Variants in TTN observed in about 807,000 individuals in gnomAD.
TTN encodes the protein connectin.
Under a neutral mutation model 3,223.0 loss-of-function variants are expected in TTN, and 1,525 were observed. That is an observed-to-expected ratio of 0.47 (90% confidence interval 0.45 to 0.49). The LOEUF (loss-of-function observed/expected upper bound fraction) is 0.49. Among genes scored for constraint, TTN ranks in the 20% least tolerant of loss-of-function variants. TTN has a pLI of 0.00. For synonymous variants in TTN, 14,094 were observed against 15,161.0 expected (o/e 0.93, Z 5.17); for missense variants, 40,786 against 43,424.0 (o/e 0.94, Z 5.40).
At position 178,678,783 on chromosome 2, in the gene TTN, G is replaced by C; in HGVS notation, c.33790C>G (p.Pro11264Ala). 6.2e-7 allele frequency: 1 copy of C among 1,605,762 alleles called. No homozygotes were observed. The highest frequency in any genetic ancestry group is 8.5e-7 in the Non-Finnish European group (1 of 1,177,114). ...GGAGCTTCCACCTTTTTAGGAACTG[G>C]TACTGGTACTTTCTCCTCTGGCACA... ...KPVPEEKVPV[P>A]VPKKVEAPPA... Residue 11264 changes from proline (P) to alanine (A), a missense_variant, in exon 143 of 363, where the codon CCA (proline) becomes GCA (alanine). Pro to Ala is a conservative substitution (Grantham distance 27). Coordinates refer to ENST00000589042, the MANE Select transcript of TTN (RefSeq NM_001267550.2).
chr2:178,749,595 A>G (rs2084796660), intron 47 of TTN: 2 of 1,612,046 alleles, frequency 1.2e-6, no homozygotes, highest in Non-Finnish European at 1.7e-6. Context: ...TCTCTGGAAT[A>G]TTTTCCATAA....
rs373396567 is a variant in TTN, at chr2:178,539,680, A to C, written c.98385T>G (p.Ser32795Arg). Reference protein sequence around the residue: ...AVYIKVRVIGSPNSPEGPLEY... With the variant: ...AVYIKVRVIGRPNSPEGPLEY... ...CCAGTGGCCCTTCTGGACTGTTGGG[A>C]CTTCCTATCACCCTGACCTTGATGT... The change falls in exon 352 of 363, where the codon AGT becomes AGG. Residue 32795 changes from serine (S) to arginine (R), a missense_variant. Transcript: ENST00000589042. 50 of 1,613,372 alleles carry C rather than the reference A, an allele frequency of 3.1e-5. No individual in the cohort carries two copies. In the African/African-American group the frequency reaches 5.9e-4, roughly 19 times the overall value.
intron 37 of TTN, 87 bp from the exon 38 acceptor site, chr2:178,769,020 T>C (rs1166249565): frequency 2.8e-6 from 4 of 1,446,054 alleles, no homozygotes; most frequent in African/African-American, 2.8e-5. Context: ...AAATTTGGAA[T>C]GTTTTTAGTG....
Position 178,574,432 on chromosome 2 carries a change from C to G in TTN, c.71700G>C (p.Arg23900=), listed in dbSNP as rs1470911398. 6.2e-7 allele frequency: 1 copy of G among 1,613,434 alleles called. No homozygotes were observed. Among genetic ancestry groups the G allele is most frequent in the East Asian group, 2.2e-5 (1 of 44,856 alleles). ...TGCCTGCCATGTTTTCTGCAATCAC[C>G]CGGAACTCATAAGCAATACCATCTG... ...GLTDGIAYEF[R]VIAENMAGKS... Residue 23900 remains arginine (R), a synonymous_variant, in exon 326 of 363, where the codon CGG becomes CGC. Coordinates refer to ENST00000589042, the MANE Select transcript of TTN (RefSeq NM_001267550.2).
chr2:178,717,666 T>C lies in TTN; in HGVS notation c.25208A>G (p.Asp8403Gly), dbSNP rs758110981. Residue 8403 changes from aspartate to glycine, a missense_variant, in exon 87 of 363, where the codon GAT (aspartate) becomes GGT (glycine). Coordinates refer to ENST00000589042, the MANE Select transcript of TTN (RefSeq NM_001267550.2). ...AACAAAAGATGTCTGCAAATTAGCA[T>C]CATCTTTCAAAAGAACCCCATCCTT... Reference protein sequence around the residue: ...WYKDGVLLKDDANLQTSFVHN... With the variant: ...WYKDGVLLKDGANLQTSFVHN... The C allele has an allele frequency of 2.5e-6, 4 of 1,613,462 alleles. No individual in the cohort carries two copies. The highest frequency in any genetic ancestry group is 3.4e-6 in the Non-Finnish European group (4 of 1,179,598).
rs1313694677 is a variant in TTN at position 178,527,519 on chromosome 2, G to A, written c.107607C>T (p.Ser35869=). 8.7e-6 allele frequency: 14 copies of A among 1,613,856 alleles called. No homozygotes were observed. Among genetic ancestry groups the A allele is most frequent in the African/African-American group, 1.3e-5 (1 of 74,918 alleles). Residue 35869 remains serine (S), a synonymous_variant, in exon 362 of 363, where the codon AGC becomes AGT. Transcript: ENST00000589042. The stretch of plus-strand genomic sequence containing the variant: ...TCATATTAGATATTCCCATAAAGCT[G>A]CTGGAACTCATTTCTACAAAGGACT... ...MQESFVEMSS[S]SFMGISNMTQ...
chr2:178,529,349 T>C lies in TTN; in HGVS notation c.106532-130A>G. The C allele has an allele frequency of 4.9e-6, 3 of 611,528 alleles. No individual in the cohort carries two copies. In the South Asian group the frequency reaches 1.1e-4, roughly 23 times the overall value. The allele number at this position is 611,528 out of a possible 1,614,324, so 37.9% of individuals were successfully genotyped here. ...TTCTTCATGCAATGTAGGTAATACC[T>C]AATACTTTCTCAGTTCCACTTTTGG... is the stretch of plus-strand genomic sequence containing the variant. On this transcript the variant is annotated intron_variant, in intron 359 of 362. Transcript: ENST00000589042.
chr2:178,776,600 T>C lies in TTN; in HGVS notation c.5264A>G (p.Asn1755Ser), dbSNP rs201904897. 86 of 1,614,062 alleles carry C rather than the reference T, an allele frequency of 5.3e-5. No homozygotes were observed. The highest frequency in any genetic ancestry group is 6.9e-5 in the Non-Finnish European group (82 of 1,180,004). Residue 1755 changes from asparagine (N) to serine (S), a missense_variant, in exon 28 of 363, where the codon AAT (asparagine) becomes AGT (serine). Transcript: ENST00000589042. ...LEAANRLRMINEFGYCSLDYG... is the reference protein window; with the variant it reads ...LEAANRLRMISEFGYCSLDYG... ...ATCAAGGCTGCAGTACCCAAATTCA[T>C]TGATCATACGGAGCCTGTTGGCTGC...
In TTN at chr2:178,573,761, C is replaced by T. The variant is rs972618040; in HGVS notation, c.72371G>A (p.Gly24124Asp). 6.3e-7 allele frequency: 1 copy of T among 1,595,478 alleles called. No individual in the cohort carries two copies. The highest frequency in any genetic ancestry group is 8.5e-7 in the Non-Finnish European group (1 of 1,170,956). ...IFNVKVLDRP[G>D]PPEGPLAVTE... ...TACAGCCAAAGGTCCTTCAGGTGGGCCTGGTCTGTCAAGAACTTTGACATT... is the reference window on the plus strand; with the variant it reads ...TACAGCCAAAGGTCCTTCAGGTGGGTCTGGTCTGTCAAGAACTTTGACATT... The change falls in exon 326 of 363, where the codon GGC becomes GAC. Residue 24124 changes from glycine (G) to aspartate (D), a missense_variant. By Grantham distance (94) the Gly-to-Asp change is moderately conservative. Coordinates refer to ENST00000589042, the MANE Select transcript of TTN (RefSeq NM_001267550.2).
Position 178,573,405 on chromosome 2 carries a change from A to G in TTN, c.72727T>C (p.Trp24243Arg). Reference sequence around the variant, plus strand: ...CCACCATCAGAATCAGGATGTCCCCAGCAGACAACCATCGAATCTTTAGTA... The same window carrying G: ...CCACCATCAGAATCAGGATGTCCCCGGCAGACAACCATCGAATCTTTAGTA... ...TITKDSMVVC[W>R]GHPDSDGGSE... Residue 24243 changes from tryptophan to arginine, a missense_variant, in exon 326 of 363, where the codon TGG becomes CGG. By Grantham distance (101) the Trp-to-Arg change is moderately radical. Transcript: ENST00000589042. 1.3e-6 allele frequency: 2 copies of G among 1,522,008 alleles called. No homozygotes were observed. The highest frequency in any genetic ancestry group is 2.3e-5 in the East Asian group (1 of 43,852). The allele number at this position is 1,522,008 out of a possible 1,614,324, so 94.3% of individuals were successfully genotyped here. A position where few individuals can be genotyped will look rare whatever the true frequency, so the allele number is the denominator to read the frequency against.
chr2:178,609,818 A>C lies in TTN; in HGVS notation c.51605T>G (p.Val17202Gly). 1.2e-6 allele frequency: 2 copies of C among 1,612,920 alleles called. No individual in the cohort carries two copies. Among genetic ancestry groups the C allele is most frequent in the Non-Finnish European group, 1.7e-6 (2 of 1,179,240 alleles). Residue 17202 changes from valine (V) to glycine (G), a missense_variant, in exon 272 of 363, where the codon GTA becomes GGA. Transcript: ENST00000589042. ...TTTTGCTGTATAGGTCAGGATTGGT[A>C]CCAGGTGTTCATTGCATCTCTTCCA... ...ERWKRCNEHL[V>G]PILTYTAKGL...
intron 47 of TTN, chr2:178,745,884 C>CA (rs1560961746): frequency 6.2e-6 from 10 of 1,609,904 alleles, no homozygotes; most frequent in Non-Finnish European, 7.6e-6. Flanking sequence ...ACCTGAAATT[C>CA]AAAAAAACTG....
chr2:178,621,653 A>C lies in TTN; in HGVS notation c.45171T>G (p.Pro15057=). The C allele has an allele frequency of 6.2e-7, 1 of 1,612,384 alleles. No individual in the cohort carries two copies. The highest frequency in any genetic ancestry group is 1.1e-5 in the South Asian group (1 of 91,036). Residue 15057 remains proline, a synonymous_variant, in exon 245 of 363, where the codon CCT becomes CCG. Coordinates refer to ENST00000589042, the MANE Select transcript of TTN (RefSeq NM_001267550.2). ...CTTTATACCAAATCACTTCTGCGCCAGGTTTGGAGACTTCACAAACCAGTT... is the reference window on the plus strand; with the variant it reads ...CTTTATACCAAATCACTTCTGCGCCCGGTTTGGAGACTTCACAAACCAGTT... ...TIKLVCEVSK[P]GAEVIWYKGD... is the part of the protein sequence containing the mutation.
intron 98 of TTN, 49 bp downstream of exon 98, chr2:178,710,586 C>T (rs764515126): frequency 2.6e-6 from 4 of 1,567,888 alleles, no homozygotes; most frequent in Non-Finnish European, 2.6e-6. Flanking sequence ...TCAGGCTATA[C>T]TACAAAATGA....
chr2:178,607,033 C>T lies in TTN; in HGVS notation c.53569G>A (p.Val17857Ile), dbSNP rs1423994048. The T allele has an allele frequency of 3.7e-6, 6 of 1,608,830 alleles. No homozygotes were observed. The Admixed American group carries it at 1.0e-4, about 27-fold the overall frequency. The change falls in exon 278 of 363, where the codon GTT (valine) becomes ATT (isoleucine). Residue 17857 changes from valine (V) to isoleucine (I), a missense_variant. Coordinates refer to ENST00000589042, the MANE Select transcript of TTN (RefSeq NM_001267550.2). ...PPVEIGPILAVDPLGPPTSPE... is the reference protein window; with the variant it reads ...PPVEIGPILAIDPLGPPTSPE... The stretch of plus-strand genomic sequence containing the variant: ...CCTTCTCTTTTACCTAGTGGATCAA[C>T]TGCAAGAATTGGTCCTATTTCAACA...
intron 155 of TTN, among the ~76,000 whole-genome samples, chr2:178,671,676 G>A (rs767417898): frequency 3.3e-5 from 5 of 151,614 alleles, no homozygotes; most frequent in Non-Finnish European, 5.9e-5. Context: ...AATGACACTG[G>A]TCAGTTATTT....
rs191549948 is a variant in TTN at position 178,588,616 on chromosome 2, G to A, written c.63109C>T (p.Arg21037Cys). The A allele has an allele frequency of 9.1e-5, 144 of 1,585,668 alleles. 1 individual carries two copies. Among genetic ancestry groups the A allele is most frequent in the Admixed American group, 8.5e-4 (47 of 55,454 alleles). The change falls in exon 304 of 363, where the codon CGT (arginine) becomes TGT (cysteine). Residue 21037 changes from arginine (R) to cysteine (C), a missense_variant. Physicochemically the swap from Arg to Cys is radical, Grantham distance 180 (BLOSUM62 -3). Coordinates refer to ENST00000589042, the MANE Select transcript of TTN (RefSeq NM_001267550.2). ...NLLPDHEYQF[R>C]VKAENEIGIG... Reference sequence around the variant, plus strand: ...CCAATTTCATTTTCTGCCTTGACACGGAACTGATATTCATGGTCTGGGAGG... The same window carrying A: ...CCAATTTCATTTTCTGCCTTGACACAGAACTGATATTCATGGTCTGGGAGG...
At chr2:178,536,864 CT>C (rs572019448) in intron 356 of TTN, 73 bp downstream of exon 356, 1 of 1,353,512 alleles carries the variant, frequency 7.4e-7, no homozygotes, top group Non-Finnish European at 9.9e-7. Context: ...TTCAAAATTT[CT>C]TTCTGTTTAA....
At position 178,549,585 on chromosome 2, in the gene TTN, C is replaced by T; in HGVS notation, c.92137G>A (p.Ala30713Thr). Residue 30713 changes from alanine to threonine, a missense_variant, in exon 338 of 363, where the codon GCT becomes ACT. Ala to Thr is a moderately conservative substitution (Grantham distance 58, BLOSUM62 0). Transcript: ENST00000589042. ...GCAAACTTACTATATTGTATTTGAG[C>T]AACCACTGGATCAGAATCAAGTGGC... ...GRPLDSDPVV[A>T]QIQYTVPDAP... 2 of 1,612,404 alleles carry T rather than the reference C, an allele frequency of 1.2e-6. No individual in the cohort carries two copies. The highest frequency in any genetic ancestry group is 1.7e-6 in the Non-Finnish European group (2 of 1,178,604).
Sources: allele counts gnomAD v4.1 joint callset (sites outside exome capture counted in the v4.1 genomes callset), GRCh38; gene constraint gnomAD v4.1.1; transcripts MANE v1.5; gene names NCBI Gene and HGNC (gene_info 2026-07-23, HGNC 2026-07-21).